The following CTTN variants were observed in gnomAD, a reference collection of about 807,000 sequenced individuals.
The protein encoded by CTTN is src substrate cortactin.
CTTN carries 28 observed loss-of-function variants against 84.0 expected under a neutral mutation model. The ratio of observed to expected loss-of-function variants is 0.33; its 90% CI spans 0.25 to 0.46. The LOEUF is 0.46. Among genes scored for constraint, CTTN ranks in the 20% least tolerant of loss-of-function variants. The pLI is 1.00. For missense variants in CTTN, 641 were observed against 723.8 expected (o/e 0.89, Z 1.31); for synonymous variants, 301 against 288.8 (o/e 1.04, Z -0.43).
At chr11:70,407,755 T>C (rs1351939516) in intron 4 of CTTN, 164 bp downstream of exon 4, 2 of 604,034 alleles carry the variant, frequency 3.3e-6, no homozygotes, top group African/African-American at 3.7e-5. Flanking sequence ...CACACATATA[T>C]GTGTATTTGT....
intron 6 of CTTN, 147 bp downstream of exon 6, chr11:70,414,799 GCTCTGAGAGCCTGGGCTCTC>G (rs2058138770): frequency 1.6e-6 from 1 of 617,742 alleles, no homozygotes. Context: ...CTCCCAGGAT[GCTCTGAGAGCCTGGGCTCTC>G]AGAGAGAGGA....
Position 70,435,763 on chromosome 11 carries a change from C to T in CTTN, c.*601C>T, listed in dbSNP as rs756078282. 9.4e-6 allele frequency: 15 copies of T among 1,595,858 alleles called. No homozygotes were observed. In the East Asian group the frequency reaches 3.1e-4, roughly 33 times the overall value. On this transcript the variant is annotated 3_prime_UTR_variant, in exon 18 of 18. Transcript: ENST00000301843. ...GGATCAGGTGACTTCTAGCAGAGAC[C>T]CTGGTTTTTTTCCTGTGCCCACTCC...
In CTTN at chr11:70,435,825, G is replaced by T. The variant is rs757348596; in HGVS notation, c.*663G>T. Reference sequence around the variant, plus strand: ...ATCTCTACCCATCCCCTGATGCCCAGGTCACCGGGAGGGCTGCTGGGAGCC... The same window carrying T: ...ATCTCTACCCATCCCCTGATGCCCATGTCACCGGGAGGGCTGCTGGGAGCC... On this transcript the variant is annotated 3_prime_UTR_variant, in exon 18 of 18. Coordinates refer to ENST00000301843, the MANE Select transcript of CTTN (RefSeq NM_005231.4). 1 of 1,544,792 alleles carries T rather than the reference G, an allele frequency of 6.5e-7. No individual in the cohort carries two copies. The highest frequency in any genetic ancestry group is 8.7e-7 in the Non-Finnish European group (1 of 1,153,356).
intron 10 of CTTN, among the ~76,000 whole-genome samples, chr11:70,420,883 G>A (rs568395845): frequency 8.3e-4 from 127 of 152,184 alleles, no homozygotes; most frequent in African/African-American, 2.5e-3. Flanking sequence ...GGGTTTACCC[G>A]GGAGTGGGGA....
Position 70,431,184 on chromosome 11 carries a change from A to G in CTTN, c.1177-7A>G. The G allele has an allele frequency of 6.2e-7, 1 of 1,614,048 alleles. No individual in the cohort carries two copies. The highest frequency in any genetic ancestry group is 8.5e-7 in the Non-Finnish European group (1 of 1,179,936). On this transcript the variant is annotated splice_region_variant and splice_polypyrimidine_tract_variant and intron_variant, in intron 14 of 17. Coordinates refer to ENST00000301843, the MANE Select transcript of CTTN (RefSeq NM_005231.4). ...GCATTCTGATTGCTGTTTGTTTTCA[A>G]TCACAGGAGCAAGCCAGAGCCAAAA...
In CTTN at chr11:70,425,329, C is replaced by T; in HGVS notation, c.958-3C>T. ...TCCTGACGCCCATGTCCTGTCTCTG[C>T]AGAATGCGTCAACCTTTGAGGATGT... On this transcript the variant is annotated splice_polypyrimidine_tract_variant and splice_region_variant and intron_variant, in intron 12 of 17. Coordinates refer to ENST00000301843, the MANE Select transcript of CTTN (RefSeq NM_005231.4). 2 of 1,611,076 alleles carry T rather than the reference C, an allele frequency of 1.2e-6. No individual in the cohort carries two copies. Among genetic ancestry groups the T allele is most frequent in the South Asian group, 2.2e-5 (2 of 90,216 alleles).
At position 70,399,624 on chromosome 11, in the gene CTTN, G is replaced by A. The variant is rs148762201; in HGVS notation, c.-98+1010G>A. On this transcript the variant is annotated intron_variant, in intron 1 of 17. Transcript: ENST00000301843. The stretch of plus-strand genomic sequence containing the variant: ...ACGGTGCTTTGGGGCTTTCTGTTAC[G>A]TTTCCATCACCTGGATAGTCTAAGG... Among the ~76,000 whole-genome samples the A allele has an allele frequency of 5.3e-5, 8 of 152,292 alleles. No homozygotes were observed. In the Middle Eastern group the frequency reaches 0.014, roughly 259 times the overall value.
chr11:70,423,051 G>T (rs2135582823), intron 12 of CTTN, 56 bp downstream of exon 12: 5 of 1,607,332 alleles, frequency 3.1e-6, no homozygotes, highest in African/African-American at 1.3e-5. Flanking sequence ...CTCTTGGTGG[G>T]CGTGGCTCAC....
chr11:70,423,742 G>C (rs376449570), intron 12 of CTTN, among the ~76,000 whole-genome samples: 6 of 152,196 alleles, frequency 3.9e-5, no homozygotes, highest in African/African-American at 1.4e-4. Context: ...GGATAGAGCT[G>C]GCCCTGGAGA....
chr11:70,431,302 ATGAGCG>A (rs773265826), intron 15 of CTTN, 22 bp downstream of exon 15: 1 of 1,611,474 alleles, frequency 6.2e-7, no homozygotes, highest in Non-Finnish European at 8.5e-7. Context: ...TGGTGTTTGA[ATGAGCG>A]TGAGTGACTT....
chr11:70,423,670 G>C (rs188070309), intron 12 of CTTN, among the ~76,000 whole-genome samples: 5 of 152,174 alleles, frequency 3.3e-5, no homozygotes, highest in Non-Finnish European at 5.9e-5. Context: ...GTGGGCCTGG[G>C]TGGGACAGGA....
chr11:70,400,231 G>T (rs1032586392), intron 1 of CTTN, among the ~76,000 whole-genome samples: 3 of 152,266 alleles, frequency 2.0e-5, no homozygotes, highest in Middle Eastern at 3.4e-3. Flanking sequence ...CACTTTGGGA[G>T]GTCAAGGTGA....
At position 70,398,555 on chromosome 11, in the gene CTTN, G is replaced by A. The variant is rs2057934278; in HGVS notation, c.-157G>A. 6.6e-6 allele frequency: 1 copy of A among 152,242 alleles called. No individual in the cohort carries two copies. The highest frequency in any genetic ancestry group is 2.4e-5 in the African/African-American group (1 of 41,542). 9.4% of individuals were successfully genotyped at this position (152,242 alleles called of 1,614,324 possible). A position where few individuals can be genotyped will look rare whatever the true frequency, so the allele number is the denominator to read the frequency against. ...GAACCGGAAGTAGAGCCTGGTGCCT[G>A]GGAGCGGCTGGCGCGGCGGAATCCA... On this transcript the variant is annotated 5_prime_UTR_variant, in exon 1 of 18. Coordinates refer to ENST00000301843, the MANE Select transcript of CTTN (RefSeq NM_005231.4).
intron 9 of CTTN, chr11:70,420,117 G>C: frequency 1.7e-6 from 1 of 597,918 alleles, no homozygotes; most frequent in South Asian, 2.1e-5. Context: ...TTGCCCGTGT[G>C]AGCCTGTGCT....
intron 2 of CTTN, among the ~76,000 whole-genome samples, chr11:70,406,706 T>C (rs1275297679): frequency 6.6e-6 from 1 of 152,332 alleles, no homozygotes; most frequent in African/African-American, 2.4e-5. Flanking sequence ...TGGCATTTTA[T>C]ATTCCTGTTT....
intron 5 of CTTN, among the ~76,000 whole-genome samples, chr11:70,412,534 C>T (rs879848546): frequency 1.3e-5 from 2 of 152,184 alleles, no homozygotes; most frequent in African/African-American, 2.4e-5. Context: ...GAAATCTCTG[C>T]GTTAAGACTT....
At chr11:70,404,210 C>T (rs141340155) in intron 1 of CTTN, among the ~76,000 whole-genome samples, 3 of 152,266 alleles carry the variant, frequency 2.0e-5, no homozygotes, top group Admixed American at 1.3e-4. Flanking sequence ...AATTAATTAC[C>T]AGGAGGGCCA....
chr11:70,434,644 G>T lies in CTTN; in HGVS notation c.1517-382G>T, dbSNP rs572380423. ...GCCATCACCTCGGGCTTCTCTCCGG[G>T]TGTCCCCTGGCTGTCCTTCCACTGC... On this transcript the variant is annotated intron_variant, in intron 17 of 17. Transcript: ENST00000301843. 5.9e-5 allele frequency among the ~76,000 whole-genome samples: 9 copies of T among 152,354 alleles called. No individual in the cohort carries two copies. The South Asian group carries it at 1.9e-3, about 32-fold the overall frequency.
At chr11:70,421,699 C>T (rs569871166) in intron 11 of CTTN, 119 bp downstream of exon 11, 4 of 723,232 alleles carry the variant, frequency 5.5e-6, no homozygotes, top group Non-Finnish European at 9.8e-6. Flanking sequence ...CACCACTTGT[C>T]AGCTGTCAGG....
Sources: gnomAD v4.1 joint callset for allele counts (sites outside exome capture counted in the v4.1 genomes callset) on GRCh38, gnomAD v4.1.1 for gene constraint, MANE v1.5 for transcripts, NCBI Gene and HGNC (gene_info 2026-07-23, HGNC 2026-07-21) for gene names.